Variants in SKIC3 observed in about 807,000 individuals in gnomAD.
SKIC3 encodes SKI3 subunit of superkiller complex.
chr5:95,489,271 T>A, the SKIC3 span, among the ~76,000 whole-genome samples: 1 of 151,754 alleles, frequency 6.6e-6, no homozygotes, highest in African/African-American at 2.4e-5. Context: ...AGACCTCATC[T>A]CTTAAAAAAA....
chr5:95,530,840 T>G, the SKIC3 span, among the ~76,000 whole-genome samples: 1 of 152,342 alleles, frequency 6.6e-6, no homozygotes, highest in Non-Finnish European at 1.5e-5. Flanking sequence ...TTCAAATTTA[T>G]TTTGGTAAAA....
chr5:95,498,336 A>C, the SKIC3 span: 1 of 1,581,008 alleles, frequency 6.3e-7, no homozygotes, highest in Non-Finnish European at 8.7e-7. Context: ...TATCAAGTAT[A>C]ATTAGGTTCC....
At chr5:95,514,980 G>A in the SKIC3 span, 11,155 of 1,526,152 alleles carry the variant, frequency 7.3e-3, 136 homozygotes, top group South Asian at 0.037. Flanking sequence ...TTATTAAACC[G>A]CTTATGTTTA....
the SKIC3 span, chr5:95,490,954 C>G: frequency 6.2e-7 from 1 of 1,614,144 alleles, no homozygotes; most frequent in Non-Finnish European, 8.5e-7. Flanking sequence ...AATCTATCCT[C>G]TTTGGCTGAG....
At chr5:95,489,033 T>C in the SKIC3 span, among the ~76,000 whole-genome samples, 4 of 152,102 alleles carry the variant, frequency 2.6e-5, no homozygotes, top group Non-Finnish European at 5.9e-5. Context: ...ACAACACATA[T>C]AGGCTGGATG....
At chr5:95,552,698 G>A in the SKIC3 span, among the ~76,000 whole-genome samples, 1 of 151,996 alleles carries the variant, frequency 6.6e-6, no homozygotes, top group Non-Finnish European at 1.5e-5. Flanking sequence ...ATGGCGGGAG[G>A]GAAGTAGGCA....
chr5:95,489,030 A>T, the SKIC3 span, among the ~76,000 whole-genome samples: 2 of 152,146 alleles, frequency 1.3e-5, no homozygotes, highest in East Asian at 3.9e-4. Context: ...ATCACAACAC[A>T]TATAGGCTGG....
chr5:95,474,427 G>C, the SKIC3 span, among the ~76,000 whole-genome samples: 1 of 152,294 alleles, frequency 6.6e-6, no homozygotes, highest in South Asian at 2.1e-4. Context: ...AGGAAAAAAG[G>C]ATGCTGAAAA....
At chr5:95,496,150 T>A in the SKIC3 span, among the ~76,000 whole-genome samples, 1 of 152,198 alleles carries the variant, frequency 6.6e-6, no homozygotes, top group East Asian at 1.9e-4. Context: ...CCCGAGTAGC[T>A]GGGACTACAG....
chr5:95,518,890 T>C, the SKIC3 span, among the ~76,000 whole-genome samples: 261 of 152,136 alleles, frequency 1.7e-3, no homozygotes, highest in Admixed American at 3.4e-3. Flanking sequence ...CTCCATACTG[T>C]TCTCCACAGT....
At chr5:95,521,949 A>C in the SKIC3 span, 3 of 1,455,462 alleles carry the variant, frequency 2.1e-6, no homozygotes, top group Non-Finnish European at 2.8e-6. Context: ...CTGTTGACTA[A>C]AGAAGTCCTT....
At chr5:95,470,410 TAAAGGA>T in the SKIC3 span, among the ~76,000 whole-genome samples, 3 of 152,128 alleles carry the variant, frequency 2.0e-5, no homozygotes, top group Non-Finnish European at 4.4e-5. Context: ...TAGACTGGGA[TAAAGGA>T]GGTTTTCAAA....
chr5:95,519,031 T>C, the SKIC3 span, among the ~76,000 whole-genome samples: 1 of 151,866 alleles, frequency 6.6e-6, no homozygotes, highest in Non-Finnish European at 1.5e-5. Context: ...TACTGTGGTT[T>C]TGATTTGCAT....
the SKIC3 span, among the ~76,000 whole-genome samples, chr5:95,480,806 G>T: frequency 6.6e-6 from 1 of 152,052 alleles, no homozygotes; most frequent in Non-Finnish European, 1.5e-5. Flanking sequence ...AAAAAATTAT[G>T]GTACATGAAA....
the SKIC3 span, chr5:95,478,307 C>A: frequency 4.1e-4 from 669 of 1,613,842 alleles, 4 homozygotes; most frequent in South Asian, 4.8e-3. Context: ...ACTTTTAATG[C>A]AAGTAGTGCT....
At chr5:95,467,551 C>A in the SKIC3 span, among the ~76,000 whole-genome samples, 1 of 152,098 alleles carries the variant, frequency 6.6e-6, no homozygotes, top group Non-Finnish European at 1.5e-5. Context: ...TTTAACAGTT[C>A]TGTTATTTAT....
the SKIC3 span, chr5:95,513,422 G>A: frequency 3.7e-6 from 3 of 817,042 alleles, no homozygotes; most frequent in Non-Finnish European, 6.1e-6. Context: ...GTCCAGGCTG[G>A]CCTCAAGCAA....
the SKIC3 span, among the ~76,000 whole-genome samples, chr5:95,547,626 T>G: frequency 3.9e-5 from 6 of 152,092 alleles, no homozygotes; most frequent in Admixed American, 3.9e-4. Flanking sequence ...GTGTTGAAAT[T>G]GAGTTATATT....
At chr5:95,498,624 AG>A in the SKIC3 span, 1 of 1,399,462 alleles carries the variant, frequency 7.1e-7, no homozygotes, top group South Asian at 1.2e-5. Context: ...CCCATTAGTT[AG>A]TCTTTTTTTT....
Sources: gnomAD v4.1 joint callset for allele counts (sites outside exome capture counted in the v4.1 genomes callset) on GRCh38, gnomAD v4.1.1 for gene constraint, MANE v1.5 for transcripts, NCBI Gene and HGNC (gene_info 2026-07-23, HGNC 2026-07-21) for gene names.